CIMIP4: variants seen among roughly 807,000 people sequenced by gnomAD.
CIMIP4 encodes the protein protein EAN57.
the CIMIP4 span, among the ~76,000 whole-genome samples, chr22:36,992,480 A>G: frequency 4.6e-5 from 7 of 152,230 alleles, no homozygotes; most frequent in Admixed American, 6.5e-5. Flanking sequence ...ACGGAATTTC[A>G]GAAATGAAAC....
At chr22:36,993,760 C>T in the CIMIP4 span, among the ~76,000 whole-genome samples, 1 of 150,644 alleles carries the variant, frequency 6.6e-6, no homozygotes, top group East Asian at 1.9e-4. Flanking sequence ...AAAGAAAAAG[C>T]AGCACAAATA....
chr22:36,999,826 C>T, the CIMIP4 span: 1 of 1,609,158 alleles, frequency 6.2e-7, no homozygotes, highest in Non-Finnish European at 8.5e-7. Flanking sequence ...CCCACCCTTG[C>T]CCTTTGACTT....
chr22:36,995,352 C>T, the CIMIP4 span, among the ~76,000 whole-genome samples: 1 of 152,236 alleles, frequency 6.6e-6, no homozygotes. Context: ...ACTCTCCCCT[C>T]CCAGCCCTGC....
At chr22:37,004,146 C>T in the CIMIP4 span, 3 of 859,988 alleles carry the variant, frequency 3.5e-6, no homozygotes, top group South Asian at 5.8e-5. Flanking sequence ...ATCAGAGGTT[C>T]CTAAGCTGCC....
the CIMIP4 span, chr22:37,002,107 A>C: frequency 1.9e-6 from 3 of 1,569,604 alleles, no homozygotes; most frequent in Non-Finnish European, 2.6e-6. Flanking sequence ...TCGGGGGTGG[A>C]GGGGGAATCT....
At chr22:37,001,783 C>G in the CIMIP4 span, 1 of 1,454,264 alleles carries the variant, frequency 6.9e-7, no homozygotes, top group South Asian at 1.4e-5. Context: ...GTGAGTTTAT[C>G]TTATGTCCTC....
the CIMIP4 span, among the ~76,000 whole-genome samples, chr22:37,000,824 G>A: frequency 2.4e-4 from 37 of 152,330 alleles, no homozygotes; most frequent in African/African-American, 7.7e-4. Flanking sequence ...ATTGGGACAA[G>A]TTCCTCCAAG....
the CIMIP4 span, among the ~76,000 whole-genome samples, chr22:36,999,140 T>C: frequency 2.0e-4 from 30 of 151,864 alleles, no homozygotes; most frequent in Non-Finnish European, 3.8e-4. Context: ...TACTGGGTCC[T>C]GGGCCTCCTA....
chr22:37,003,550 T>C, the CIMIP4 span, among the ~76,000 whole-genome samples: 2 of 152,200 alleles, frequency 1.3e-5, no homozygotes, highest in Non-Finnish European at 2.9e-5. Flanking sequence ...CTATTTCTCC[T>C]GCCTGGAACA....
the CIMIP4 span, chr22:37,001,984 C>G: frequency 1.2e-6 from 2 of 1,613,886 alleles, no homozygotes; most frequent in Non-Finnish European, 1.7e-6. Context: ...CCTGGCATGG[C>G]TGAGCCCCCT....
chr22:37,006,125 C>G, the CIMIP4 span, among the ~76,000 whole-genome samples: 3,842 of 152,268 alleles, frequency 0.025, 163 homozygotes, highest in African/African-American at 0.088. Flanking sequence ...AGGGGTGTGA[C>G]TTTTGTTCAA....
chr22:37,002,939 A>G, the CIMIP4 span, among the ~76,000 whole-genome samples: 5 of 152,126 alleles, frequency 3.3e-5, no homozygotes, highest in Non-Finnish European at 5.9e-5. Flanking sequence ...CCTGTCTCCC[A>G]CGTCCCTGCC....
At chr22:37,003,570 A>C in the CIMIP4 span, among the ~76,000 whole-genome samples, 2 of 150,730 alleles carry the variant, frequency 1.3e-5, no homozygotes, top group South Asian at 4.2e-4. Context: ...ACTCCCCTCC[A>C]CTCCTTGGGC....
At chr22:36,998,309 T>C in the CIMIP4 span, among the ~76,000 whole-genome samples, 1 of 152,046 alleles carries the variant, frequency 6.6e-6, no homozygotes, top group African/African-American at 2.4e-5. Context: ...CCATCCCTTC[T>C]CCAAGCTCAG....
the CIMIP4 span, among the ~76,000 whole-genome samples, chr22:37,005,572 C>T: frequency 1.4e-5 from 2 of 145,922 alleles, no homozygotes; most frequent in African/African-American, 5.1e-5. Flanking sequence ...TTTTTTTAAG[C>T]AGAAATCTGG....
the CIMIP4 span, among the ~76,000 whole-genome samples, chr22:36,993,903 T>C: frequency 5.3e-4 from 80 of 152,236 alleles, no homozygotes; most frequent in South Asian, 4.1e-4. Context: ...CAGGTATGTA[T>C]CATTGAAGGC....
the CIMIP4 span, chr22:37,002,020 C>A: frequency 2.5e-6 from 4 of 1,612,132 alleles, no homozygotes; most frequent in Non-Finnish European, 2.5e-6. Flanking sequence ...TGTTCTCTCT[C>A]GAGGAGGATC....
At chr22:37,004,581 G>A in the CIMIP4 span, among the ~76,000 whole-genome samples, 1 of 152,184 alleles carries the variant, frequency 6.6e-6, no homozygotes, top group Non-Finnish European at 1.5e-5. Flanking sequence ...CCCACACTTT[G>A]CTCTGGTGTA....
chr22:37,002,146 G>A, the CIMIP4 span: 7 of 1,528,488 alleles, frequency 4.6e-6, no homozygotes, highest in Non-Finnish European at 6.2e-6. Context: ...CTAGGGAGCT[G>A]CCTTGAGCGC....
Sources: gnomAD v4.1 joint callset for allele counts (sites outside exome capture counted in the v4.1 genomes callset) on GRCh38, gnomAD v4.1.1 for gene constraint, MANE v1.5 for transcripts, NCBI Gene and HGNC (gene_info 2026-07-23, HGNC 2026-07-21) for gene names.